The following MRPL43 variants were observed in gnomAD, a reference collection of about 807,000 sequenced individuals.
MRPL43 encodes the protein large ribosomal subunit protein mL43.
Under a neutral mutation model 12.7 loss-of-function variants are expected in MRPL43, and 9 were observed. That is an observed-to-expected ratio of 0.71 (90% CI 0.43 to 1.24). The LOEUF is 1.24. Among genes scored for constraint, MRPL43 ranks in the 50% most tolerant of loss-of-function variants. The pLI is 0.00. For missense variants in MRPL43, 211 were observed against 229.2 expected, an observed-to-expected ratio of 0.92 and a Z score of 0.51; for synonymous variants, 116 against 96.4, an observed-to-expected ratio of 1.20 and a Z score of -1.19.
chr10:100,979,862 C>A (rs1216318709), downstream of MRPL43: 2 of 1,613,854 alleles, frequency 1.2e-6, no homozygotes. Flanking sequence ...ACCCTGGAGG[C>A]CTCAGCCATC....
chr10:100,983,477 T>C, downstream of MRPL43: 5 of 1,614,204 alleles, frequency 3.1e-6, no homozygotes, highest in Non-Finnish European at 4.2e-6. Flanking sequence ...TGGTTACAGA[T>C]GCACAGCCTG....
downstream of MRPL43, chr10:100,984,920 C>G: frequency 1.4e-6 from 2 of 1,447,328 alleles, no homozygotes; most frequent in Non-Finnish European, 1.8e-6. Flanking sequence ...CATGTCCCAT[C>G]CCCATGCACA....
chr10:100,979,766 A>G (rs1458163076), downstream of MRPL43: 10 of 1,542,956 alleles, frequency 6.5e-6, no homozygotes, highest in African/African-American at 1.4e-5. Flanking sequence ...CCAGGGTAAC[A>G]GTGAGCTTCA....
chr10:100,978,571 C>G, downstream of MRPL43: 2 of 1,614,162 alleles, frequency 1.2e-6, no homozygotes, highest in Non-Finnish European at 1.7e-6. Flanking sequence ...CCGGAGCATT[C>G]CTGACATCCG....
chr10:100,985,136 G>C, downstream of MRPL43: 1 of 437,572 alleles, frequency 2.3e-6, no homozygotes, highest in South Asian at 6.9e-5. Context: ...CTCTCTTTTG[G>C]GGGAATCAAG....
chr10:100,984,373 G>C (rs531413037), downstream of MRPL43: 6 of 1,447,568 alleles, frequency 4.1e-6, no homozygotes, highest in South Asian at 8.8e-5. Context: ...TGCTCCCTCA[G>C]GATCAGGTGC....
In MRPL43 at chr10:100,987,368, G is replaced by A; in HGVS notation, c.76C>T (p.Leu26=). 1 of 1,612,642 alleles carries A rather than the reference G, an allele frequency of 6.2e-7. No individual in the cohort carries two copies. Among genetic ancestry groups the A allele is most frequent in the Non-Finnish European group, 8.5e-7 (1 of 1,179,920 alleles). Residue 26 remains leucine, a synonymous_variant, in exon 1 of 3, where the codon CTG becomes TTG. Transcript: ENST00000318364. ...CTGACGCTGAAGCTCAGACGCTGCA[G>A]CTGCTGCACATAGCGACCCAGTCCG... The part of the protein sequence containing the change: ...HNGLGRYVQQ[L]QRLSFSVSRD...
chr10:100,985,191 T>G (rs1031806643), downstream of MRPL43: 5 of 338,668 alleles, frequency 1.5e-5, no homozygotes, highest in Admixed American at 1.7e-4. Flanking sequence ...AGGAGAAATC[T>G]GATGTCTCAA....
downstream of MRPL43, chr10:100,980,565 C>T (rs762073097): frequency 6.8e-6 from 11 of 1,610,340 alleles, no homozygotes; most frequent in Non-Finnish European, 9.3e-6. Flanking sequence ...ACTCTCTGCT[C>T]TTTCCATACC....
downstream of MRPL43, chr10:100,983,329 G>A (rs754085049): frequency 1.3e-5 from 20 of 1,572,778 alleles, no homozygotes; most frequent in Admixed American, 7.2e-5. Context: ...CTGAAGACCC[G>A]CTCTGTGCTC....
At chr10:100,978,346 T>G (rs1564794890), downstream of MRPL43, 1 of 1,613,742 alleles carries the variant, frequency 6.2e-7, no homozygotes, top group East Asian at 2.2e-5. Context: ...GAAGGAGAAG[T>G]GTCCTTATGA....
At chr10:100,987,225 G>A in intron 1 of MRPL43, 29 bp from the exon 2 acceptor site, 1 of 1,613,450 alleles carries the variant, frequency 6.2e-7, no homozygotes, top group Non-Finnish European at 8.5e-7. Context: ...TGAGCAGTAT[G>A]ACCCCTGACT....
chr10:100,986,379 C>A lies in MRPL43; in HGVS notation c.*355G>T. The stretch of plus-strand genomic sequence containing the variant: ...AGCTCTCCGTAGCTCAGTGGTTGTT[C>A]CAATAAGACATCAGGGATTCTTCAG... On this transcript the variant is annotated 3_prime_UTR_variant, in exon 3 of 3. Transcript: ENST00000318364. The A allele has an allele frequency of 6.8e-7, 1 of 1,461,250 alleles. No individual in the cohort carries two copies. The highest frequency in any genetic ancestry group is 9.0e-7 in the Non-Finnish European group (1 of 1,110,998). The allele number at this position is 1,461,250 out of a possible 1,614,324, so 90.5% of individuals were successfully genotyped here.
chr10:100,982,460 T>C (rs998537188), downstream of MRPL43, among the ~76,000 whole-genome samples: 1 of 152,182 alleles, frequency 6.6e-6, no homozygotes, highest in African/African-American at 2.4e-5. Flanking sequence ...AGGTCTAAGA[T>C]AGATGCCAGA....
At position 100,986,929 on chromosome 10, in the gene MRPL43, C is replaced by G. The variant is rs771799776; in HGVS notation, c.285G>C (p.Glu95Asp). 6.2e-7 allele frequency: 1 copy of G among 1,609,892 alleles called. No homozygotes were observed. Among genetic ancestry groups the G allele is most frequent in the Admixed American group, 1.7e-5 (1 of 60,012 alleles). The change falls in exon 3 of 3, where the codon GAG (glutamate) becomes GAC (aspartate). Residue 95 changes from glutamate to aspartate, a missense_variant. Transcript: ENST00000318364. Reference sequence around the variant, plus strand: ...GCTTCTGCACCAGCGTCGAGATCTCCTCGACCGACTTGCAGTGGATGCTCT... The same window carrying G: ...GCTTCTGCACCAGCGTCGAGATCTCGTCGACCGACTTGCAGTGGATGCTCT... ...REESIHCKSV[E>D]EISTLVQKLA...
At position 100,986,710 on chromosome 10, in the gene MRPL43, G is replaced by A. The variant is rs1325602331; in HGVS notation, c.*24C>T. Reference sequence around the variant, plus strand: ...ACCGGAGTAACAGTCCAAAGCCTGGGGCTGCAGTTGGTGGGGCAACTCTTC... The same window carrying A: ...ACCGGAGTAACAGTCCAAAGCCTGGAGCTGCAGTTGGTGGGGCAACTCTTC... On this transcript the variant is annotated 3_prime_UTR_variant, in exon 3 of 3. Coordinates refer to ENST00000318364, the MANE Select transcript of MRPL43 (RefSeq NM_032112.3). The A allele has an allele frequency of 6.2e-7, 1 of 1,613,954 alleles. No individual in the cohort carries two copies. Among genetic ancestry groups the A allele is most frequent in the African/African-American group, 1.3e-5 (1 of 75,050 alleles).
chr10:100,983,930 G>A (rs1199749295), downstream of MRPL43: 13 of 462,972 alleles, frequency 2.8e-5, no homozygotes, highest in Middle Eastern at 1.0e-3. Context: ...CGCCCCCACC[G>A]CCACCGGCTG....
chr10:100,983,400 C>T, downstream of MRPL43: 1 of 1,612,212 alleles, frequency 6.2e-7, no homozygotes, highest in South Asian at 1.1e-5. Context: ...GGCCTTGTGG[C>T]TACTCAATGG....
chr10:100,983,849 G>T (rs1414869947), downstream of MRPL43: 8 of 1,591,268 alleles, frequency 5.0e-6, no homozygotes, highest in South Asian at 5.7e-5. Flanking sequence ...ATGATGAGGG[G>T]GCTGGGGGCC....
Sources: gnomAD v4.1 joint callset for allele counts (sites outside exome capture counted in the v4.1 genomes callset) on GRCh38, gnomAD v4.1.1 for gene constraint, MANE v1.5 for transcripts, NCBI Gene and HGNC (gene_info 2026-07-23, HGNC 2026-07-21) for gene names.